Variants in LRP1B observed in about 807,000 individuals in gnomAD.
LRP1B encodes the protein low-density lipoprotein receptor-related protein 1B.
LRP1B carries 217 observed loss-of-function variants against 556.6 expected under a neutral mutation model. The ratio of observed to expected loss-of-function variants is 0.39; its 90% CI spans 0.35 to 0.44. LRP1B has a LOEUF of 0.44. Among genes scored for constraint, LRP1B ranks in the 20% least tolerant of loss-of-function variants. The pLI is 1.00. For synonymous variants in LRP1B, 2,047 were observed against 1,865.8 expected, an observed-to-expected ratio of 1.10 and a Z score of -2.50; for missense variants, 5,053 against 5,620.8, an observed-to-expected ratio of 0.90 and a Z score of 3.23.
At chr2:141,522,002 T>C (rs7576810) in intron 2 of LRP1B, among the ~76,000 whole-genome samples, 21,802 of 152,144 alleles carry the variant, frequency 0.14, 1,577 homozygotes, top group South Asian at 0.21. Context: ...TAAACCAGTT[T>C]GGATTGGGTT....
chr2:141,574,635 T>G (rs1686668813), intron 2 of LRP1B, among the ~76,000 whole-genome samples: 1 of 152,118 alleles, frequency 6.6e-6, no homozygotes, highest in African/African-American at 2.4e-5. Context: ...GAAATAAAGA[T>G]TATTCACACA....
intron 2 of LRP1B, among the ~76,000 whole-genome samples, chr2:141,710,712 A>G (rs550970223): frequency 1.3e-5 from 2 of 152,298 alleles, no homozygotes; most frequent in African/African-American, 2.4e-5. Flanking sequence ...AAATACAGTG[A>G]AAAGATTCTC....
intron 3 of LRP1B, among the ~76,000 whole-genome samples, chr2:141,414,459 C>T (rs11901499): frequency 0.21 from 31,835 of 150,536 alleles, 8,078 homozygotes; most frequent in African/African-American, 0.63. Flanking sequence ...AAAGAAGAGG[C>T]AAGTGTGTTA....
At chr2:140,790,746 C>G (rs1320812909) in intron 32 of LRP1B, among the ~76,000 whole-genome samples, 1 of 152,030 alleles carries the variant, frequency 6.6e-6, no homozygotes, top group Non-Finnish European at 1.5e-5. Context: ...ATGGGAAGAT[C>G]AATTTTAAAT....
At chr2:141,076,743 G>A (rs1699796696) in intron 7 of LRP1B, among the ~76,000 whole-genome samples, 1 of 152,098 alleles carries the variant, frequency 6.6e-6, no homozygotes, top group African/African-American at 2.4e-5. Flanking sequence ...TAGACCCTAG[G>A]TTCTGAGACT....
intron 3 of LRP1B, among the ~76,000 whole-genome samples, chr2:141,402,826 C>T (rs576586829): frequency 6.6e-6 from 1 of 152,022 alleles, no homozygotes; most frequent in South Asian, 2.1e-4. Flanking sequence ...TACAGAAAAT[C>T]AAAATTTTTG....
chr2:140,560,432 G>A (rs901298350), intron 43 of LRP1B, among the ~76,000 whole-genome samples: 2 of 152,054 alleles, frequency 1.3e-5, no homozygotes, highest in African/African-American at 4.8e-5. Context: ...TTAACATTTG[G>A]GGAAGCTTGG....
At chr2:140,881,258 G>GTGTGTA (rs1462994580) in intron 25 of LRP1B, among the ~76,000 whole-genome samples, 1 of 151,160 alleles carries the variant, frequency 6.6e-6, no homozygotes, top group Non-Finnish European at 1.5e-5. Flanking sequence ...CTGTAAGTGT[G>GTGTGTA]TGTGTGTGTG....
intron 1 of LRP1B, among the ~76,000 whole-genome samples, chr2:142,103,928 C>A (rs1171891644): frequency 6.6e-6 from 1 of 152,110 alleles, no homozygotes; most frequent in East Asian, 1.9e-4. Flanking sequence ...ACCTTCCTCA[C>A]AAGTGTCTGA....
intron 2 of LRP1B, among the ~76,000 whole-genome samples, chr2:141,537,503 G>A (rs1685107569): frequency 6.6e-6 from 1 of 151,992 alleles, no homozygotes; most frequent in Admixed American, 6.6e-5. Context: ...GTTTTATAAT[G>A]CAAAGAACAT....
intron 3 of LRP1B, among the ~76,000 whole-genome samples, chr2:141,268,298 T>C (rs1477961872): frequency 6.6e-6 from 1 of 151,854 alleles, no homozygotes; most frequent in Non-Finnish European, 1.5e-5. Context: ...GAAGCTAGAG[T>C]AGACAAATGA....
intron 7 of LRP1B, among the ~76,000 whole-genome samples, chr2:141,154,094 G>A (rs1702007187): frequency 6.6e-6 from 1 of 151,612 alleles, no homozygotes; most frequent in Non-Finnish European, 1.5e-5. Flanking sequence ...ATAAACTGAT[G>A]GTATTATTTA....
intron 35 of LRP1B, among the ~76,000 whole-genome samples, chr2:140,754,770 A>G (rs1463092173): frequency 2.2e-5 from 1 of 45,206 alleles, no homozygotes; most frequent in Non-Finnish European, 4.2e-5. Context: ...TAAGAACTAG[A>G]AAAAAAAAAA....
intron 66 of LRP1B, among the ~76,000 whole-genome samples, chr2:140,440,122 T>C (rs961408642): frequency 6.6e-6 from 1 of 152,180 alleles, no homozygotes; most frequent in Admixed American, 6.6e-5. Context: ...AATGGAACTA[T>C]AGATAAATAC....
chr2:142,069,045 A>G (rs1705216649), intron 1 of LRP1B, among the ~76,000 whole-genome samples: 1 of 150,828 alleles, frequency 6.6e-6, no homozygotes, highest in African/African-American at 2.4e-5. Flanking sequence ...TCTCCTTCCC[A>G]TCTTTTCTCC....
chr2:140,780,940 C>T (rs1359467675), intron 32 of LRP1B, among the ~76,000 whole-genome samples: 1 of 152,102 alleles, frequency 6.6e-6, no homozygotes, highest in African/African-American at 2.4e-5. Flanking sequence ...CCACAGGCAA[C>T]ATATAAAATG....
chr2:140,528,100 T>C (rs1185367385), intron 47 of LRP1B, among the ~76,000 whole-genome samples: 1 of 151,846 alleles, frequency 6.6e-6, no homozygotes, highest in Non-Finnish European at 1.5e-5. Context: ...GAATTCTCTG[T>C]CTGAGTGAGA....
intron 1 of LRP1B, among the ~76,000 whole-genome samples, chr2:142,029,244 A>C (rs955922065): frequency 6.6e-6 from 1 of 151,906 alleles, no homozygotes; most frequent in Non-Finnish European, 1.5e-5. Flanking sequence ...TGGAGTTACA[A>C]ATTAAGACCA....
chr2:140,777,717 C>T (rs1472450515), intron 32 of LRP1B, among the ~76,000 whole-genome samples: 1 of 152,016 alleles, frequency 6.6e-6, no homozygotes, highest in Non-Finnish European at 1.5e-5. Context: ...ATCTAATTAA[C>T]ATACTCAAGA....
Sources: gnomAD v4.1 joint callset for allele counts (sites outside exome capture counted in the v4.1 genomes callset) on GRCh38, gnomAD v4.1.1 for gene constraint, MANE v1.5 for transcripts, NCBI Gene and HGNC (gene_info 2026-07-23, HGNC 2026-07-21) for gene names.